Variants in CCR7 observed in about 807,000 individuals in gnomAD.
CCR7 encodes C-C chemokine receptor type 7.
CCR7 carries 11 observed loss-of-function variants against 26.0 expected under a neutral mutation model. That is an observed-to-expected ratio of 0.42 (90% CI 0.27 to 0.70). CCR7 has a LOEUF of 0.70. Among genes scored for constraint, CCR7 ranks in the 30% least tolerant of loss-of-function variants. CCR7 has a pLI of 0.23. For missense variants in CCR7, 360 were observed against 504.0 expected (o/e 0.71, Z 2.74); for synonymous variants, 189 against 202.1 (o/e 0.94, Z 0.55).
intron 2 of CCR7, among the ~76,000 whole-genome samples, chr17:40,557,031 T>C (rs1421168708): frequency 2.6e-5 from 4 of 152,202 alleles, no homozygotes; most frequent in African/African-American, 9.7e-5. Flanking sequence ...TCAGCAGCTG[T>C]GTCCCTGGAA....
rs558849085 is a variant in CCR7, at chr17:40,555,801, A to C, written c.78T>G (p.Asp26Glu). ...LVIFQVCLCQDEVTDDYIGDN... is the reference protein window; with the variant it reads ...LVIFQVCLCQEEVTDDYIGDN... ...CTCCGATGTAATCGTCCGTGACCTCATCTTGACACAGGCATACCTTCGGGG... is the reference window on the plus strand; with the variant it reads ...CTCCGATGTAATCGTCCGTGACCTCCTCTTGACACAGGCATACCTTCGGGG... Residue 26 changes from aspartate to glutamate, a missense_variant, in exon 3 of 3, where the codon GAT becomes GAG. Transcript: ENST00000246657. The surrounding 1 kb of genome is among the most constrained non-coding windows in gnomAD (Gnocchi z 5.6). 1 of 1,613,182 alleles carries C rather than the reference A, an allele frequency of 6.2e-7. No individual in the cohort carries two copies. The highest frequency in any genetic ancestry group is 1.3e-5 in the African/African-American group (1 of 75,024).
chr17:40,562,390 ATCTAGGACGC>A (rs760273489), intron 1 of CCR7, among the ~76,000 whole-genome samples: 52 of 152,196 alleles, frequency 3.4e-4, no homozygotes, highest in Non-Finnish European at 5.4e-4. Context: ...AGCCTGCTGC[ATCTAGGACGC>A]TCCACGGAGC....
At chr17:40,561,194 G>A (rs1261282058) in intron 1 of CCR7, among the ~76,000 whole-genome samples, 2 of 152,212 alleles carry the variant, frequency 1.3e-5, no homozygotes, top group African/African-American at 4.8e-5. Context: ...TCTCCCGGAC[G>A]CTGTCCCACT....
Position 40,555,118 on chromosome 17 carries a change from C to A in CCR7, c.761G>T (p.Arg254Leu), listed in dbSNP as rs764674952. 1 of 1,613,990 alleles carries A rather than the reference C, an allele frequency of 6.2e-7. No individual in the cohort carries two copies. The highest frequency in any genetic ancestry group is 8.5e-7 in the Non-Finnish European group (1 of 1,180,028). The change falls in exon 3 of 3, where the codon CGC becomes CTC. Residue 254 changes from arginine to leucine, a missense_variant. Coordinates refer to ENST00000246657, the MANE Select transcript of CCR7 (RefSeq NM_001838.4). The surrounding 1 kb of genome is among the most constrained non-coding windows in gnomAD (Gnocchi z 5.6). Reference protein sequence around the residue: ...LVIIRTLLQARNFERNKAIKV... With the variant: ...LVIIRTLLQALNFERNKAIKV... ...GATGGCCTTGTTGCGCTCAAAGTTGCGTGCCTGGAGCAGGGTGCGGATGAT... is the reference window on the plus strand; with the variant it reads ...GATGGCCTTGTTGCGCTCAAAGTTGAGTGCCTGGAGCAGGGTGCGGATGAT...
At chr17:40,562,665 G>T (rs925677971) in intron 1 of CCR7, among the ~76,000 whole-genome samples, 1 of 152,140 alleles carries the variant, frequency 6.6e-6, no homozygotes, top group South Asian at 2.1e-4. Context: ...GCCGTACCAC[G>T]TTTTAAGGAT....
At position 40,554,960 on chromosome 17, in the gene CCR7, C is replaced by T. The variant is rs775899752; in HGVS notation, c.919G>A (p.Ala307Thr). 19 of 1,614,048 alleles carry T rather than the reference C, an allele frequency of 1.2e-5. No individual in the cohort carries two copies. In the Admixed American group the frequency reaches 1.3e-4, roughly 11 times the overall value. ...GCCAGGCTGTAGGTGACGTCGTAGGCGATGTTGAGTTGCTTACTGAGCTCA... is the reference window on the plus strand; with the variant it reads ...GCCAGGCTGTAGGTGACGTCGTAGGTGATGTTGAGTTGCTTACTGAGCTCA... ...TCELSKQLNIAYDVTYSLACV... is the reference protein window; with the variant it reads ...TCELSKQLNITYDVTYSLACV... The change falls in exon 3 of 3, where the codon GCC becomes ACC. Residue 307 changes from alanine (A) to threonine (T), a missense_variant. Physicochemically the swap from Ala to Thr is moderately conservative, Grantham distance 58. Transcript: ENST00000246657.
intron 1 of CCR7, among the ~76,000 whole-genome samples, chr17:40,561,782 C>G (rs1000249262): frequency 6.6e-6 from 1 of 152,106 alleles, no homozygotes; most frequent in Non-Finnish European, 1.5e-5. Flanking sequence ...GCCAACACAA[C>G]TTTTCTCTCT....
intron 1 of CCR7, among the ~76,000 whole-genome samples, chr17:40,564,918 T>G (rs1333390056): frequency 6.6e-6 from 1 of 152,202 alleles, no homozygotes; most frequent in African/African-American, 2.4e-5. Context: ...CATCTCCTCA[T>G]GACCCCAAGT....
At position 40,554,876 on chromosome 17, in the gene CCR7, T is replaced by C; in HGVS notation, c.1003A>G (p.Asn335Asp). 6.2e-7 allele frequency: 1 copy of C among 1,614,148 alleles called. No individual in the cohort carries two copies. The highest frequency in any genetic ancestry group is 8.5e-7 in the Non-Finnish European group (1 of 1,180,020). ...LYAFIGVKFR[N>D]DLFKLFKDLG... ...TCCTTGAAGAGCTTGAAGAGATCGT[T>C]GCGGAACTTGACGCCGATGAAGGCG... Residue 335 changes from asparagine (N) to aspartate (D), a missense_variant, in exon 3 of 3, where the codon AAC (asparagine) becomes GAC (aspartate). Physicochemically the swap from Asn to Asp is conservative, Grantham distance 23. Transcript: ENST00000246657.
In CCR7 at chr17:40,554,708, G is replaced by A. The variant is rs771649965; in HGVS notation, c.*34C>T. The A allele has an allele frequency of 1.8e-5, 27 of 1,499,168 alleles. No individual in the cohort carries two copies. Among genetic ancestry groups the A allele is most frequent in the Non-Finnish European group, 2.5e-5 (27 of 1,101,458 alleles). 92.9% of individuals were successfully genotyped at this position (1,499,168 alleles called of 1,614,324 possible). Reference sequence around the variant, plus strand: ...CCCTATCCCCACCCCAGGGACCCTGGGAGAGGTCCCTCTAGTCCAGGCAGA... The same window carrying A: ...CCCTATCCCCACCCCAGGGACCCTGAGAGAGGTCCCTCTAGTCCAGGCAGA... On this transcript the variant is annotated 3_prime_UTR_variant, in exon 3 of 3. Transcript: ENST00000246657.
At chr17:40,562,404 A>G (rs929513221) in intron 1 of CCR7, among the ~76,000 whole-genome samples, 2 of 152,084 alleles carry the variant, frequency 1.3e-5, no homozygotes, top group Non-Finnish European at 2.9e-5. Context: ...AGGACGCTCC[A>G]CGGAGCATGA....
intron 1 of CCR7, among the ~76,000 whole-genome samples, chr17:40,564,890 C>G (rs1042241732): frequency 6.6e-6 from 1 of 152,200 alleles, no homozygotes; most frequent in African/African-American, 2.4e-5. Flanking sequence ...TTCTCACAAC[C>G]CAGTCACGTT....
intron 1 of CCR7, among the ~76,000 whole-genome samples, chr17:40,563,512 A>C (rs1191813057): frequency 6.6e-6 from 1 of 151,964 alleles, no homozygotes; most frequent in African/African-American, 2.4e-5. Context: ...CCTGCTTGGG[A>C]GTTTTCATTT....
Position 40,554,692 on chromosome 17 carries a change from C to T in CCR7, c.*50G>A, listed in dbSNP as rs1164035953. 7.0e-7 allele frequency: 1 copy of T among 1,430,708 alleles called. No homozygotes were observed. Among genetic ancestry groups the T allele is most frequent in the Admixed American group, 2.1e-5 (1 of 46,886 alleles). The allele number at this position is 1,430,708 out of a possible 1,614,324, so 88.6% of individuals were successfully genotyped here. On this transcript the variant is annotated 3_prime_UTR_variant, in exon 3 of 3. Transcript: ENST00000246657. ...AGTCATTGCATCTGCTCCCTATCCC[C>T]ACCCCAGGGACCCTGGGAGAGGTCC...
chr17:40,560,463 C>T (rs1236739859), intron 1 of CCR7, among the ~76,000 whole-genome samples: 1 of 152,226 alleles, frequency 6.6e-6, no homozygotes, highest in Non-Finnish European at 1.5e-5. Flanking sequence ...TGCTGGAAGC[C>T]TCCCTGCATG....
At chr17:40,560,966 C>G (rs1432654593) in intron 1 of CCR7, 2 of 152,338 alleles carry the variant, frequency 1.3e-5, no homozygotes, top group Admixed American at 6.5e-5. Flanking sequence ...CCCAACCACA[C>G]TCTTCACGGT....
In CCR7 at chr17:40,554,556, C is replaced by T; in HGVS notation, c.*186G>A. ...GCTTATCAGCCCTGTCTTTTTTTGGCATTGGTTGAGGTAGCTGGGATTGGG... is the reference window on the plus strand; with the variant it reads ...GCTTATCAGCCCTGTCTTTTTTTGGTATTGGTTGAGGTAGCTGGGATTGGG... On this transcript the variant is annotated 3_prime_UTR_variant, in exon 3 of 3. Coordinates refer to ENST00000246657, the MANE Select transcript of CCR7 (RefSeq NM_001838.4). 1.6e-6 allele frequency: 1 copy of T among 631,742 alleles called. No homozygotes were observed. Among genetic ancestry groups the T allele is most frequent in the Non-Finnish European group, 2.8e-6 (1 of 355,910 alleles). The allele number at this position is 631,742 out of a possible 1,614,324, so 39.1% of individuals were successfully genotyped here.
Position 40,562,262 on chromosome 17 carries a change from G to C in CCR7, c.10+3138C>G, listed in dbSNP as rs550046178. Among the ~76,000 whole-genome samples, 4 of 152,276 alleles carry C rather than the reference G, an allele frequency of 2.6e-5. No individual in the cohort carries two copies. In the South Asian group the frequency reaches 6.2e-4, roughly 24 times the overall value. ...TCATCTTAGATTCCAGAAAATAGAG[G>C]CCCAGAGAGATTAAGCCAAATGCCT... On this transcript the variant is annotated intron_variant, in intron 1 of 2. Transcript: ENST00000246657.
Position 40,554,870 on chromosome 17 carries a change from G to C in CCR7, c.1009C>G (p.Leu337Val), listed in dbSNP as rs761077309. 4 of 1,614,220 alleles carry C rather than the reference G, an allele frequency of 2.5e-6. No individual in the cohort carries two copies. The Admixed American group carries it at 5.0e-5, about 20-fold the overall frequency. Residue 337 changes from leucine (L) to valine (V), a missense_variant, in exon 3 of 3, where the codon CTC (leucine) becomes GTC (valine). Physicochemically the swap from Leu to Val is conservative, Grantham distance 32. Transcript: ENST00000246657. Reference protein sequence around the residue: ...AFIGVKFRNDLFKLFKDLGCL... With the variant: ...AFIGVKFRNDVFKLFKDLGCL... ...CCCAGGTCCTTGAAGAGCTTGAAGA[G>C]ATCGTTGCGGAACTTGACGCCGATG...
Sources: gnomAD v4.1 joint callset for allele counts (sites outside exome capture counted in the v4.1 genomes callset) on GRCh38, gnomAD v4.1.1 for gene constraint, Gnocchi (gnomAD v3.1) non-coding constraint, MANE v1.5 for transcripts, NCBI Gene and HGNC (gene_info 2026-07-23, HGNC 2026-07-21) for gene names.